The following CDH13 variants were observed in gnomAD, a reference collection of about 807,000 sequenced individuals.
CDH13 encodes the protein cadherin-13.
Under a neutral mutation model 63.8 loss-of-function variants are expected in CDH13, and 24 were observed. The observed-to-expected ratio is 0.38, with a 90% CI of 0.27 to 0.53. CDH13 has a LOEUF of 0.53. Among genes scored for constraint, CDH13 ranks in the 20% least tolerant of loss-of-function variants. The pLI is 0.85. For synonymous variants in CDH13, 503 were observed against 355.3 expected, an observed-to-expected ratio of 1.42 and a Z score of -4.67; for missense variants, 1,049 against 903.1, an observed-to-expected ratio of 1.16 and a Z score of -2.07.
chr16:83,239,871 C>T (rs1046432971), intron 5 of CDH13, among the ~76,000 whole-genome samples: 4 of 152,068 alleles, frequency 2.6e-5, no homozygotes, highest in African/African-American at 9.7e-5. Context: ...TTGTGGGGGG[C>T]AGGGGAGCTG....
chr16:83,039,214 G>T (rs796081655), intron 3 of CDH13, among the ~76,000 whole-genome samples: 5 of 152,136 alleles, frequency 3.3e-5, no homozygotes, highest in African/African-American at 1.2e-4. Flanking sequence ...TGATCACTTC[G>T]CTCCTCTGCT....
At chr16:82,782,739 C>G (rs1409459003) in intron 1 of CDH13, among the ~76,000 whole-genome samples, 1 of 152,172 alleles carries the variant, frequency 6.6e-6, no homozygotes, top group Non-Finnish European at 1.5e-5. Flanking sequence ...CACGACCAAG[C>G]ACATGCTGGA....
In CDH13 at chr16:83,324,903, C is replaced by G. The variant is rs375378242; in HGVS notation, c.637-19959C>G. Among the ~76,000 whole-genome samples, 20 of 152,280 alleles carry G rather than the reference C, an allele frequency of 1.3e-4. No homozygotes were observed. The South Asian group carries it at 3.5e-3, about 27-fold the overall frequency. ...AAATGCTTAACATTGTTTACAGGGA[C>G]CCATCTGATTTGGCCCCACTCACCT... On this transcript the variant is annotated intron_variant, in intron 5 of 13. Transcript: ENST00000567109.
At chr16:83,009,719 C>A (rs953166382) in intron 2 of CDH13, among the ~76,000 whole-genome samples, 6 of 152,196 alleles carry the variant, frequency 3.9e-5, no homozygotes, top group Admixed American at 2.6e-4. Flanking sequence ...CCCACTGAGT[C>A]ATGTAGCTGT....
chr16:82,780,275 A>T (rs1207657318), intron 1 of CDH13, among the ~76,000 whole-genome samples: 1 of 152,206 alleles, frequency 6.6e-6, no homozygotes, highest in African/African-American at 2.4e-5. Flanking sequence ...CCCTACAAAA[A>T]TTCAAGTAAG....
chr16:83,028,550 G>C (rs937921929), intron 2 of CDH13, among the ~76,000 whole-genome samples: 2 of 152,178 alleles, frequency 1.3e-5, no homozygotes, highest in Non-Finnish European at 2.9e-5. Flanking sequence ...CTCAGGGGAT[G>C]TGTCACAAGA....
chr16:82,639,565 C>G (rs1024151013), intron 1 of CDH13: 22 of 725,342 alleles, frequency 3.0e-5, no homozygotes, highest in Non-Finnish European at 4.5e-5. Context: ...GCAAGCTACT[C>G]TTTGTAATTC....
At chr16:83,107,929 C>G (rs558565998) in intron 3 of CDH13, among the ~76,000 whole-genome samples, 1 of 152,142 alleles carries the variant, frequency 6.6e-6, no homozygotes, top group Admixed American at 6.5e-5. Flanking sequence ...AAGCAATTCC[C>G]TGCCTCAGCC....
chr16:82,707,835 G>C (rs942143542), intron 1 of CDH13, among the ~76,000 whole-genome samples: 1 of 152,194 alleles, frequency 6.6e-6, no homozygotes, highest in African/African-American at 2.4e-5. Context: ...TTTCAGAGAA[G>C]AGGAACACAG....
At chr16:83,527,695 C>A (rs1376749991) in intron 7 of CDH13, among the ~76,000 whole-genome samples, 1 of 152,002 alleles carries the variant, frequency 6.6e-6, no homozygotes, top group Non-Finnish European at 1.5e-5. Context: ...ACCCAGTAAG[C>A]AAATGCTGAG....
rs1358674640 is a variant in CDH13, at chr16:83,377,841, C to T, written c.781+32835C>T. 2.0e-5 allele frequency among the ~76,000 whole-genome samples: 3 copies of T among 152,096 alleles called. No individual in the cohort carries two copies. In the East Asian group the frequency reaches 5.8e-4, roughly 29 times the overall value. On this transcript the variant is annotated intron_variant, in intron 6 of 13. Coordinates refer to ENST00000567109, the MANE Select transcript of CDH13 (RefSeq NM_001257.5). The stretch of plus-strand genomic sequence containing the variant: ...GTGTTATCTGGTAGAAAGACCATAA[C>T]ACACAGCTAACCAATAAGGTACTTT...
At chr16:83,457,672 G>A (rs2073061145) in intron 6 of CDH13, among the ~76,000 whole-genome samples, 1 of 152,078 alleles carries the variant, frequency 6.6e-6, no homozygotes, top group African/African-American at 2.4e-5. Flanking sequence ...GCTTGAGGCT[G>A]AAAGACAGGG....
chr16:83,519,770 C>T (rs1017022988), intron 7 of CDH13, among the ~76,000 whole-genome samples: 19 of 152,156 alleles, frequency 1.2e-4, no homozygotes, highest in Admixed American at 1.0e-3. Context: ...AGCAGCATGG[C>T]AAAGGTACAA....
intron 2 of CDH13, among the ~76,000 whole-genome samples, chr16:82,944,741 C>T (rs1179179397): frequency 3.9e-5 from 6 of 152,018 alleles, no homozygotes; most frequent in Non-Finnish European, 8.8e-5. Context: ...TTCATAGGCC[C>T]TTGTGAATTT....
chr16:82,708,638 G>C (rs1265929743), intron 1 of CDH13, among the ~76,000 whole-genome samples: 2 of 152,110 alleles, frequency 1.3e-5, no homozygotes, highest in African/African-American at 2.4e-5. Flanking sequence ...TTTATCTAAA[G>C]GGAAGATCTG....
At chr16:83,566,183 G>T (rs563461267) in intron 7 of CDH13, among the ~76,000 whole-genome samples, 1 of 152,120 alleles carries the variant, frequency 6.6e-6, no homozygotes, top group African/African-American at 2.4e-5. Flanking sequence ...GGATGTCCAG[G>T]CATTGGATAA....
chr16:83,493,200 G>T (rs953839933), intron 7 of CDH13, among the ~76,000 whole-genome samples: 1 of 152,200 alleles, frequency 6.6e-6, no homozygotes. Flanking sequence ...ATATTAGTTG[G>T]TATTAGATGT....
At chr16:82,908,267 C>A (rs141845831) in intron 2 of CDH13, among the ~76,000 whole-genome samples, 1 of 152,070 alleles carries the variant, frequency 6.6e-6, no homozygotes, top group Non-Finnish European at 1.5e-5. Flanking sequence ...GGAGGAGGTG[C>A]CTTCTTTTGG....
At chr16:83,773,815 G>A (rs1187033499) in intron 11 of CDH13, among the ~76,000 whole-genome samples, 5 of 152,152 alleles carry the variant, frequency 3.3e-5, no homozygotes, top group African/African-American at 1.2e-4. Flanking sequence ...CCTGGTGGCT[G>A]AGCCACAGGC....
Sources: allele counts gnomAD v4.1 joint callset (sites outside exome capture counted in the v4.1 genomes callset), GRCh38; gene constraint gnomAD v4.1.1; transcripts MANE v1.5; gene names NCBI Gene and HGNC (gene_info 2026-07-23, HGNC 2026-07-21).